Variants in ZNF148 observed in about 807,000 individuals in gnomAD.
ZNF148 encodes Beta-Enolase Repressor Factor-1.
Under a neutral mutation model 67.7 loss-of-function variants are expected in ZNF148, and 7 were observed. That is an observed-to-expected ratio of 0.10 (90% CI 0.06 to 0.19). The LOEUF is 0.19. ZNF148 is among the 10% of genes least tolerant of loss of function. The pLI is 1.00. For missense variants in ZNF148, 583 were observed against 947.1 expected (o/e 0.62, Z 5.05); for synonymous variants, 333 against 330.7 (o/e 1.01, Z -0.08).
intron 1 of ZNF148, among the ~76,000 whole-genome samples, chr3:125,350,949 G>A (rs1265852117): frequency 6.6e-6 from 1 of 152,210 alleles, no homozygotes; most frequent in East Asian, 1.9e-4. Context: ...GCCAAATACT[G>A]TATGATTCCA....
At chr3:125,352,925 T>C (rs1942207660) in intron 1 of ZNF148, among the ~76,000 whole-genome samples, 1 of 152,142 alleles carries the variant, frequency 6.6e-6, no homozygotes, top group Non-Finnish European at 1.5e-5. Context: ...CACTTATCAA[T>C]GGAAGAGAAT....
intron 4 of ZNF148, among the ~76,000 whole-genome samples, chr3:125,295,186 A>T (rs2107638027): frequency 6.6e-6 from 1 of 152,170 alleles, no homozygotes; most frequent in Non-Finnish European, 1.5e-5. Flanking sequence ...CCAGGCACAG[A>T]GGCTCATGCC....
chr3:125,258,529 G>A (rs947880959), intron 7 of ZNF148, among the ~76,000 whole-genome samples: 2 of 150,804 alleles, frequency 1.3e-5, no homozygotes, highest in African/African-American at 4.9e-5. Context: ...ATCCTCCCAA[G>A]TAGCTGGGTC....
At chr3:125,371,286 G>A (rs1044629906) in intron 1 of ZNF148, among the ~76,000 whole-genome samples, 5 of 150,192 alleles carry the variant, frequency 3.3e-5, no homozygotes, top group Non-Finnish European at 4.4e-5. Context: ...AGCCCAGGAG[G>A]TGGAGGCTGC....
rs113203339 is a variant in ZNF148 at position 125,293,585 on chromosome 3, A to T, written c.334-5357T>A. Among the ~76,000 whole-genome samples the T allele has an allele frequency of 3.6e-3, 552 of 152,342 alleles. 3 individuals are homozygous for T. The highest frequency in any genetic ancestry group is 5.5e-3 in the Admixed American group (84 of 15,298). On this transcript the variant is annotated intron_variant, in intron 4 of 8. Coordinates refer to ENST00000360647, the MANE Select transcript of ZNF148 (RefSeq NM_021964.3). ...AAAGTGTTCAAAAAAGGATCAGAGG[A>T]TGTCAAAAGGACATAAGACCCAGAC... is the stretch of plus-strand genomic sequence containing the variant.
At chr3:125,283,381 CACA>C (rs1331419535) in intron 5 of ZNF148, among the ~76,000 whole-genome samples, 9 of 152,074 alleles carry the variant, frequency 5.9e-5, no homozygotes, top group African/African-American at 2.2e-4. Flanking sequence ...ATAAGCATGG[CACA>C]ACAACTATGT....
At chr3:125,329,807 A>T (rs1941205319) in intron 2 of ZNF148, among the ~76,000 whole-genome samples, 2 of 152,156 alleles carry the variant, frequency 1.3e-5, no homozygotes, top group African/African-American at 4.8e-5. Context: ...ACTATGCAGC[A>T]TAAAGTGAAA....
intron 2 of ZNF148, among the ~76,000 whole-genome samples, chr3:125,329,919 A>C (rs185532019): frequency 1.4e-4 from 22 of 152,356 alleles, no homozygotes; most frequent in Admixed American, 1.4e-3. Flanking sequence ...AAGCACACAT[A>C]TAAATACTTG....
intron 4 of ZNF148, among the ~76,000 whole-genome samples, chr3:125,293,214 C>T (rs1002188975): frequency 2.0e-5 from 3 of 152,084 alleles, no homozygotes; most frequent in African/African-American, 7.2e-5. Flanking sequence ...ACCCCACGGC[C>T]AGAACATTTG....
At chr3:125,374,284 C>G (rs1055326587) in intron 1 of ZNF148, among the ~76,000 whole-genome samples, 6 of 152,172 alleles carry the variant, frequency 3.9e-5, no homozygotes, top group African/African-American at 1.4e-4. Flanking sequence ...CCCGGCCCAT[C>G]TGGAATAACT....
rs1328171574 is a variant in ZNF148, at chr3:125,227,624, CAAGT to C, written c.*4713_*4716del. On this transcript the variant is annotated 3_prime_UTR_variant, in exon 9 of 9. Transcript: ENST00000360647. ...CCTTCAGACAGCATTAAAATAAAGA[CAAGT>C]AAGACTACACAGATAAAATCCAGTA... The C allele has an allele frequency of 6.6e-6, 1 of 152,498 alleles. No homozygotes were observed. Among genetic ancestry groups the C allele is most frequent in the African/African-American group, 2.4e-5 (1 of 41,406 alleles). 9.4% of individuals were successfully genotyped at this position (152,498 alleles called of 1,614,324 possible).
chr3:125,299,501 T>TA (rs1228270307), intron 4 of ZNF148, among the ~76,000 whole-genome samples: 2 of 152,082 alleles, frequency 1.3e-5, no homozygotes, highest in African/African-American at 4.8e-5. Flanking sequence ...TCCATCTCTG[T>TA]AAAAAATTTA....
At chr3:125,260,414 A>T (rs570764645) in intron 7 of ZNF148, among the ~76,000 whole-genome samples, 5 of 152,220 alleles carry the variant, frequency 3.3e-5, no homozygotes, top group Admixed American at 6.5e-5. Flanking sequence ...GTATTTTCCC[A>T]ATGGAATACT....
chr3:125,256,973 T>G (rs1382830568), intron 7 of ZNF148, among the ~76,000 whole-genome samples: 2 of 147,750 alleles, frequency 1.4e-5, no homozygotes, highest in Non-Finnish European at 3.0e-5. Context: ...TCCAGTTTTT[T>G]TTTTTTTTTT....
chr3:125,302,002 T>C (rs1481550185), intron 4 of ZNF148, among the ~76,000 whole-genome samples: 3 of 151,650 alleles, frequency 2.0e-5, no homozygotes, highest in Non-Finnish European at 4.4e-5. Flanking sequence ...GAGGTGGAGG[T>C]TGCACTGAGC....
chr3:125,360,790 G>A (rs1027145397), intron 1 of ZNF148, among the ~76,000 whole-genome samples: 1 of 149,892 alleles, frequency 6.7e-6, no homozygotes, highest in Non-Finnish European at 1.5e-5. Flanking sequence ...ACCAGCCTGG[G>A]CAACATAGGA....
chr3:125,360,636 T>C (rs1942506646), intron 1 of ZNF148, among the ~76,000 whole-genome samples: 1 of 152,062 alleles, frequency 6.6e-6, no homozygotes, highest in Non-Finnish European at 1.5e-5. Flanking sequence ...CAATGTCTCA[T>C]TTCTTAACCC....
chr3:125,357,287 T>TCCC (rs1304712269), intron 1 of ZNF148: 1 of 152,686 alleles, frequency 6.5e-6, no homozygotes, highest in Admixed American at 6.6e-5. Context: ...CTCCTCCTCC[T>TCCC]CCCTGCAGAG....
chr3:125,306,870 A>G (rs1939906401), intron 4 of ZNF148, among the ~76,000 whole-genome samples: 1 of 152,130 alleles, frequency 6.6e-6, no homozygotes, highest in South Asian at 2.1e-4. Flanking sequence ...TTGTCTCCAA[A>G]GAACAACAAA....
Sources: gnomAD v4.1 joint callset for allele counts (sites outside exome capture counted in the v4.1 genomes callset) on GRCh38, gnomAD v4.1.1 for gene constraint, MANE v1.5 for transcripts, NCBI Gene and HGNC (gene_info 2026-07-23, HGNC 2026-07-21) for gene names.